Variants in NUP62CL observed in about 807,000 individuals in gnomAD.
NUP62CL encodes the protein nucleoporin-62 C-terminal-like protein.
A neutral mutation model predicts 15.3 loss-of-function variants in NUP62CL; 13 were observed. The observed-to-expected ratio is 0.85, with a 90% CI of 0.55 to 1.35. The LOEUF is 1.35. Among genes scored for constraint, NUP62CL ranks in the 40% most tolerant of loss-of-function variants. The pLI, the probability that NUP62CL is intolerant of heterozygous loss-of-function variation, is 0.00. For synonymous variants in NUP62CL, 54 were observed against 49.2 expected, an observed-to-expected ratio of 1.10 and a Z score of -0.41; for missense variants, 123 against 130.6, an observed-to-expected ratio of 0.94 and a Z score of 0.28.
At chrX:107,181,938 T>C (rs1777497) in intron 2 of NUP62CL, among the ~76,000 whole-genome samples, 6,176 of 111,968 alleles carry the variant, frequency 0.055, 423 homozygotes, top group African/African-American at 0.19. Context: ...TTGATTTTTG[T>C]ATTATTTATT....
Position 107,124,294 on chromosome X carries a change from A to T in NUP62CL, c.*81T>A, listed in dbSNP as rs1925335279. The T allele has an allele frequency of 2.9e-6, 1 of 340,124 alleles. No individual in the cohort carries two copies. Among genetic ancestry groups the T allele is most frequent in the South Asian group, 2.6e-5 (1 of 38,056 alleles). 28.0% of individuals were successfully genotyped at this position (340,124 alleles called of 1,213,427 possible). A position where few individuals can be genotyped will look rare whatever the true frequency, so the allele number is the denominator to read the frequency against. ...TGCTCCTCGTGACGATAATCCTCGA[A>T]AACCCGTGTTACCACTTCTACCTTC... On this transcript the variant is annotated 3_prime_UTR_variant, in exon 9 of 9. Transcript: ENST00000372466.
chrX:107,131,790 C>T, intron 8 of NUP62CL: 6 of 1,124,856 alleles, frequency 5.3e-6, no homozygotes, highest in Non-Finnish European at 7.3e-6. Context: ...CTGAGAGGCC[C>T]ATTCTGCAAG....
intron 1 of NUP62CL, among the ~76,000 whole-genome samples, chrX:107,200,014 T>C (rs997346764): frequency 6.3e-5 from 7 of 111,744 alleles, no homozygotes; most frequent in African/African-American, 2.3e-4. Context: ...GAGAAATTGA[T>C]AGGGAGAGGT....
At chrX:107,159,914 A>T (rs1237682888) in intron 4 of NUP62CL, among the ~76,000 whole-genome samples, 2 of 107,324 alleles carry the variant, frequency 1.9e-5, no homozygotes, top group Admixed American at 1.0e-4. Flanking sequence ...CCTTAAGCTA[A>T]TAAGCAACTT....
chrX:107,150,751 G>A, intron 7 of NUP62CL: 4 of 288,198 alleles, frequency 1.4e-5, no homozygotes, highest in East Asian at 1.0e-4. Context: ...CTCTTGCCTC[G>A]GCCTACCGAA....
intron 2 of NUP62CL, among the ~76,000 whole-genome samples, chrX:107,192,784 C>G (rs1008613888): frequency 8.9e-6 from 1 of 112,041 alleles, no homozygotes; most frequent in African/African-American, 3.2e-5. Flanking sequence ...CTGTATTGCT[C>G]TTACTCTAAG....
At chrX:107,195,411 T>C (rs906158412) in intron 1 of NUP62CL, among the ~76,000 whole-genome samples, 10 of 111,840 alleles carry the variant, frequency 8.9e-5, no homozygotes, top group African/African-American at 3.2e-4. Context: ...AAAGTTTTGA[T>C]CCTAAAGATT....
chrX:107,173,171 A>G (rs1263225548), intron 3 of NUP62CL, among the ~76,000 whole-genome samples: 2 of 112,435 alleles, frequency 1.8e-5, no homozygotes, highest in Non-Finnish European at 3.8e-5. Context: ...TGAGAAATTT[A>G]TATAGTCTTT....
chrX:107,159,507 T>A (rs1395887869), intron 4 of NUP62CL, among the ~76,000 whole-genome samples: 1 of 74,185 alleles, frequency 1.3e-5, no homozygotes, highest in Non-Finnish European at 2.4e-5. Flanking sequence ...ATCCAGCATA[T>A]AAACAGAGCC....
At chrX:107,156,409 C>G (rs1299785095) in intron 4 of NUP62CL, among the ~76,000 whole-genome samples, 1 of 103,469 alleles carries the variant, frequency 9.7e-6, no homozygotes, top group Non-Finnish European at 2.0e-5. Flanking sequence ...AGCAGTGGTT[C>G]TCCCAGCACG....
Position 107,131,895 on chromosome X carries a change from T to A in NUP62CL, c.*43-7563A>T, listed in dbSNP as rs1006916584. On this transcript the variant is annotated intron_variant, in intron 8 of 8. Transcript: ENST00000372466. ...TTGAACATGCTGATACAGAAGGCAATAATAAAACAGTGTTAAAATATAAAT... is the reference window on the plus strand; with the variant it reads ...TTGAACATGCTGATACAGAAGGCAAAAATAAAACAGTGTTAAAATATAAAT... The A allele has an allele frequency of 3.0e-6, 3 of 1,003,646 alleles. No individual in the cohort carries two copies. In the African/African-American group the frequency reaches 5.6e-5, roughly 19 times the overall value. The allele number at this position is 1,003,646 out of a possible 1,213,427, so 82.7% of individuals were successfully genotyped here.
intron 8 of NUP62CL, among the ~76,000 whole-genome samples, chrX:107,137,164 G>A (rs1925661202): frequency 9.0e-6 from 1 of 111,669 alleles, no homozygotes; most frequent in African/African-American, 3.3e-5. Flanking sequence ...TACAGAAAAG[G>A]AATTTTGACA....
intron 3 of NUP62CL, among the ~76,000 whole-genome samples, chrX:107,169,976 G>A (rs750787938): frequency 2.7e-5 from 3 of 109,856 alleles, no homozygotes; most frequent in Non-Finnish European, 3.8e-5. Flanking sequence ...TTGGGAGGCC[G>A]AGGCAGGTAT....
chrX:107,146,731 C>T (rs993807713), intron 8 of NUP62CL, among the ~76,000 whole-genome samples: 1 of 111,071 alleles, frequency 9.0e-6, no homozygotes, highest in African/African-American at 3.3e-5. Flanking sequence ...TTTTGATGTT[C>T]AAACCATCCT....
chrX:107,174,938 C>A, intron 3 of NUP62CL, 151 bp downstream of exon 3: 5 of 495,934 alleles, frequency 1.0e-5, no homozygotes, highest in Non-Finnish European at 1.8e-5. Flanking sequence ...GAATTAGGTT[C>A]TTAAGCAAAG....
intron 8 of NUP62CL, among the ~76,000 whole-genome samples, chrX:107,140,210 AATT>A (rs1925735110): frequency 8.9e-6 from 1 of 111,897 alleles, no homozygotes; most frequent in Non-Finnish European, 1.9e-5. Flanking sequence ...AATGTAGTAG[AATT>A]ATTATATCTT....
At chrX:107,153,610 T>C in intron 5 of NUP62CL, 107 bp from the exon 6 acceptor site, 1 of 504,424 alleles carries the variant, frequency 2.0e-6, no homozygotes, top group Non-Finnish European at 3.2e-6. Flanking sequence ...AAGATTTCCT[T>C]TTATTCAGGG....
chrX:107,186,693 T>C (rs1343383759), intron 2 of NUP62CL, among the ~76,000 whole-genome samples: 2 of 110,480 alleles, frequency 1.8e-5, no homozygotes, highest in Non-Finnish European at 3.8e-5. Context: ...AGGTCAGGAG[T>C]TCGAGACCAG....
At chrX:107,199,474 T>C (rs1205257406) in intron 1 of NUP62CL, among the ~76,000 whole-genome samples, 4 of 112,392 alleles carry the variant, frequency 3.6e-5, no homozygotes, top group Non-Finnish European at 7.5e-5. Context: ...TAATCATTCA[T>C]TCCCCTACAT....
Sources: allele counts gnomAD v4.1 joint callset (sites outside exome capture counted in the v4.1 genomes callset), GRCh38; gene constraint gnomAD v4.1.1; transcripts MANE v1.5; gene names NCBI Gene and HGNC (gene_info 2026-07-23, HGNC 2026-07-21).